ACKR3: variants seen among roughly 807,000 people sequenced by gnomAD.
ACKR3 encodes C-X-C chemokine receptor type 7.
In ACKR3, 6 loss-of-function variants were observed where a neutral mutation model predicts 22.4. The ratio of observed to expected loss-of-function variants is 0.27; its 90% CI spans 0.15 to 0.53. The LOEUF is 0.53. ACKR3 is among the 20% of genes least tolerant of loss of function. The pLI is 0.96. For synonymous variants in ACKR3, 209 were observed against 205.2 expected (o/e 1.02, Z -0.16); for missense variants, 396 against 475.2 (o/e 0.83, Z 1.55).
the ACKR3 span, among the ~76,000 whole-genome samples, chr2:236,554,999 G>T: frequency 2.0e-5 from 3 of 152,186 alleles, no homozygotes; most frequent in Admixed American, 1.3e-4. Context: ...TCCGTCCCCC[G>T]TCCTCAGGGT....
chr2:236,570,458 T>C (rs1440450296), intron 1 of ACKR3, among the ~76,000 whole-genome samples: 1 of 152,238 alleles, frequency 6.6e-6, no homozygotes, highest in Non-Finnish European at 1.5e-5. Flanking sequence ...GTCCAAGATG[T>C]ATTTGAATTC....
At chr2:236,541,248 C>G in the ACKR3 span, among the ~76,000 whole-genome samples, 1 of 152,182 alleles carries the variant, frequency 6.6e-6, no homozygotes, top group Non-Finnish European at 1.5e-5. Flanking sequence ...CAGTCTTTTT[C>G]TACTTTTGCT....
At chr2:236,561,157 G>A in the ACKR3 span, among the ~76,000 whole-genome samples, 1 of 152,104 alleles carries the variant, frequency 6.6e-6, no homozygotes, top group South Asian at 2.1e-4. Context: ...AGAGTTTGGG[G>A]GATGGGAATT....
the ACKR3 span, among the ~76,000 whole-genome samples, chr2:236,558,151 A>G: frequency 1.3e-5 from 2 of 152,170 alleles, no homozygotes; most frequent in East Asian, 3.9e-4. Context: ...CTGGTGGTGG[A>G]AAAAAGCAGC....
At chr2:236,560,545 C>T in the ACKR3 span, among the ~76,000 whole-genome samples, 3 of 151,722 alleles carry the variant, frequency 2.0e-5, no homozygotes, top group Non-Finnish European at 4.4e-5. Context: ...TTTTCCCTGT[C>T]GAGTTGTAGG....
chr2:236,537,797 C>T, the ACKR3 span, among the ~76,000 whole-genome samples: 1 of 152,228 alleles, frequency 6.6e-6, no homozygotes, highest in Non-Finnish European at 1.5e-5. Flanking sequence ...TCTTCCACCG[C>T]CTTTACTTTT....
the ACKR3 span, among the ~76,000 whole-genome samples, chr2:236,556,474 G>T: frequency 6.6e-6 from 1 of 152,114 alleles, no homozygotes; most frequent in African/African-American, 2.4e-5. Flanking sequence ...TTATATGACG[G>T]GGGCAGGGGG....
chr2:236,552,363 G>A, the ACKR3 span, among the ~76,000 whole-genome samples: 1 of 152,154 alleles, frequency 6.6e-6, no homozygotes, highest in Admixed American at 6.5e-5. Flanking sequence ...ATTATACATG[G>A]TGAAAATTTG....
the ACKR3 span, among the ~76,000 whole-genome samples, chr2:236,550,826 C>T: frequency 6.6e-6 from 1 of 152,184 alleles, no homozygotes; most frequent in African/African-American, 2.4e-5. This position sits in a 1 kb window ranked among gnomAD's most constrained non-coding sequence, Gnocchi z 4.6. Context: ...TACTGCTGTC[C>T]TTATGTTTAT....
At chr2:236,544,081 C>A in the ACKR3 span, among the ~76,000 whole-genome samples, 1 of 148,824 alleles carries the variant, frequency 6.7e-6, no homozygotes, top group African/African-American at 2.5e-5. The surrounding 1 kb of genome is among the most constrained non-coding windows in gnomAD (Gnocchi z 5.0). Flanking sequence ...CCTCTGCCTC[C>A]CGGATTCAAG....
chr2:236,540,666 T>A, the ACKR3 span, among the ~76,000 whole-genome samples: 3 of 152,326 alleles, frequency 2.0e-5, no homozygotes, highest in Admixed American at 2.0e-4. Context: ...GGAATGAATT[T>A]AATGTGTGGT....
At chr2:236,576,196 T>A (rs995192274) in intron 1 of ACKR3, among the ~76,000 whole-genome samples, 6 of 152,230 alleles carry the variant, frequency 3.9e-5, no homozygotes, top group African/African-American at 1.4e-4. Context: ...AGAGGGTGAC[T>A]GGTCTAAGTG....
At chr2:236,552,974 T>TCTTC in the ACKR3 span, among the ~76,000 whole-genome samples, 2 of 152,244 alleles carry the variant, frequency 1.3e-5, no homozygotes, top group Non-Finnish European at 2.9e-5. Flanking sequence ...CTTCCCGTTC[T>TCTTC]TATTTCCTTC....
the ACKR3 span, among the ~76,000 whole-genome samples, chr2:236,552,856 C>A: frequency 9.8e-5 from 15 of 152,288 alleles, no homozygotes; most frequent in African/African-American, 3.4e-4. Context: ...TTGTACGGGC[C>A]TCTTCCCAGG....
upstream of ACKR3, among the ~76,000 whole-genome samples, chr2:236,569,259 CT>C (rs770354245): frequency 3.9e-5 from 6 of 152,188 alleles, no homozygotes; most frequent in Non-Finnish European, 5.9e-5. Context: ...CAAGTATAAT[CT>C]ATTATAAAGA....
chr2:236,573,636 CG>C (rs1691353025), intron 1 of ACKR3, among the ~76,000 whole-genome samples: 1 of 152,210 alleles, frequency 6.6e-6, no homozygotes, highest in Non-Finnish European at 1.5e-5. Flanking sequence ...GAGCTGGTCC[CG>C]GGGCCCCAGG....
At chr2:236,557,778 T>C in the ACKR3 span, among the ~76,000 whole-genome samples, 3 of 152,248 alleles carry the variant, frequency 2.0e-5, no homozygotes, top group East Asian at 5.8e-4. Context: ...ACAGCAAACA[T>C]CATCAGTCAT....
At chr2:236,553,939 G>C in the ACKR3 span, among the ~76,000 whole-genome samples, 2 of 152,232 alleles carry the variant, frequency 1.3e-5, no homozygotes, top group Admixed American at 1.3e-4. Context: ...TGTTTGCGTA[G>C]AGCTTTATTC....
Position 236,577,725 on chromosome 2 carries a change from G to A in ACKR3, c.-26-2715G>A, listed in dbSNP as rs1468174705. 1.3e-5 allele frequency among the ~76,000 whole-genome samples: 2 copies of A among 152,208 alleles called. No homozygotes were observed. Among genetic ancestry groups the A allele is most frequent in the South Asian group, 2.1e-4 (1 of 4,832 alleles). Reference sequence around the variant, plus strand: ...CCATGGTGGGGGAGAGAGGTGGGGCGGATTCGGGATCCAAGTTCGGGCGAA... The same window carrying A: ...CCATGGTGGGGGAGAGAGGTGGGGCAGATTCGGGATCCAAGTTCGGGCGAA... On this transcript the variant is annotated intron_variant, in intron 1 of 1. Coordinates refer to ENST00000272928, the MANE Select transcript of ACKR3 (RefSeq NM_020311.3). This position sits in a 1 kb window ranked among gnomAD's most constrained non-coding sequence, Gnocchi z 5.6.
Sources: gnomAD v4.1 joint callset for allele counts (sites outside exome capture counted in the v4.1 genomes callset) on GRCh38, gnomAD v4.1.1 for gene constraint, Gnocchi (gnomAD v3.1) non-coding constraint, MANE v1.5 for transcripts, NCBI Gene and HGNC (gene_info 2026-07-23, HGNC 2026-07-21) for gene names.